MAU2: variants seen among roughly 807,000 people sequenced by gnomAD.
MAU2 encodes MAU2 chromatid cohesion factor homolog.
A neutral mutation model predicts 89.1 loss-of-function variants in MAU2; 9 were observed. The ratio of observed to expected loss-of-function variants is 0.10; its 90% CI spans 0.06 to 0.18. MAU2 has a LOEUF of 0.18. Ranked by LOEUF, MAU2 falls within the 10% of genes least tolerant of loss-of-function variation. The probability of loss-of-function intolerance (pLI) is 1.00; values close to 1 mark genes in which losing one functional copy is unlikely to be tolerated. For missense variants in MAU2, 425 were observed against 803.5 expected, an observed-to-expected ratio of 0.53 and a Z score of 5.69; for synonymous variants, 357 against 343.4, an observed-to-expected ratio of 1.04 and a Z score of -0.44.
chr19:19,326,819 G>A (rs1334356167), intron 1 of MAU2, among the ~76,000 whole-genome samples: 1 of 148,718 alleles, frequency 6.7e-6, no homozygotes, highest in Non-Finnish European at 1.5e-5. Context: ...CTTGAGCCAG[G>A]AAGTTGAGGC....
chr19:19,326,502 A>C (rs1032538722), intron 1 of MAU2, among the ~76,000 whole-genome samples: 8 of 151,246 alleles, frequency 5.3e-5, no homozygotes, highest in Admixed American at 2.6e-4. Flanking sequence ...CTGGCTAACA[A>C]GGTGAAACCC....
In MAU2 at chr19:19,320,999, G is replaced by C; in HGVS notation, c.140G>C (p.Cys47Ser). Residue 47 changes from cysteine to serine, a missense_variant, in exon 1 of 19, where the codon TGC becomes TCC. This residue lies in a region of MAU2 where 57 missense variants were observed against 57.5 expected (regional missense o/e 0.99). Transcript: ENST00000262815. ...RTSSPPKIRL[C>S]VHCLQAVFPF... Reference sequence around the variant, plus strand: ...TCCAGCCCGCCCAAAATCCGCCTGTGCGTGCACTGCCTGCAGGCCGTGTTC... The same window carrying C: ...TCCAGCCCGCCCAAAATCCGCCTGTCCGTGCACTGCCTGCAGGCCGTGTTC... 6.2e-7 allele frequency: 1 copy of C among 1,610,836 alleles called. No individual in the cohort carries two copies. The highest frequency in any genetic ancestry group is 8.5e-7 in the Non-Finnish European group (1 of 1,178,652).
rs2048204356 is a variant in MAU2, at chr19:19,358,553, T to C, written c.*2771T>C. 6.6e-6 allele frequency: 1 copy of C among 152,262 alleles called. No homozygotes were observed. Among genetic ancestry groups the C allele is most frequent in the Non-Finnish European group, 1.5e-5 (1 of 68,052 alleles). The allele number at this position is 152,262 out of a possible 1,614,324, so 9.4% of individuals were successfully genotyped here. ...TTTGTTAAGGTTTTTAATAAGTACGTTTGGCATAATGTCTTTTAATGGGTT... is the reference window on the plus strand; with the variant it reads ...TTTGTTAAGGTTTTTAATAAGTACGCTTGGCATAATGTCTTTTAATGGGTT... On this transcript the variant is annotated 3_prime_UTR_variant, in exon 19 of 19. Coordinates refer to ENST00000262815, the MANE Select transcript of MAU2 (RefSeq NM_015329.4).
At chr19:19,326,706 A>ATATATATATACACATATATATATGTT (rs1555792839) in intron 1 of MAU2, among the ~76,000 whole-genome samples, 1 of 86,986 alleles carries the variant, frequency 1.1e-5, no homozygotes, top group African/African-American at 3.5e-5. Flanking sequence ...ATATATGTAT[A>ATATATATATACACATATATATATGTT]TATATATATA....
intron 5 of MAU2, 125 bp from the exon 6 acceptor site, chr19:19,340,721 C>A: frequency 1.3e-6 from 1 of 772,330 alleles, no homozygotes; most frequent in Non-Finnish European, 2.1e-6. Flanking sequence ...GGGGACTGTT[C>A]TCTGTTGTCC....
rs1277822133 is a variant in MAU2, at chr19:19,320,939, T to C, written c.80T>C (p.Leu27Pro). 1.9e-6 allele frequency: 3 copies of C among 1,577,330 alleles called. No individual in the cohort carries two copies. The African/African-American group carries it at 4.1e-5, about 21-fold the overall frequency. The change falls in exon 1 of 19, where the codon CTG (leucine) becomes CCG (proline). Residue 27 changes from leucine (L) to proline (P), a missense_variant. Leu to Pro is a moderately conservative substitution (Grantham distance 98). Around this residue, in one of 11 missense-constraint regions of MAU2, gnomAD observed 61 missense variants for 40.1 expected, o/e 1.52. Coordinates refer to ENST00000262815, the MANE Select transcript of MAU2 (RefSeq NM_015329.4). Reference sequence around the variant, plus strand: ...GCCGAGGCGGCCGACTCGTGGTACCTGGCGCTTCTGGGCTTCGCTGAGCAC... The same window carrying C: ...GCCGAGGCGGCCGACTCGTGGTACCCGGCGCTTCTGGGCTTCGCTGAGCAC... Reference protein sequence around the residue: ...AQAEAADSWYLALLGFAEHFR... With the variant: ...AQAEAADSWYPALLGFAEHFR...
At chr19:19,333,506 G>T (rs898591727) in intron 1 of MAU2, among the ~76,000 whole-genome samples, 1 of 152,190 alleles carries the variant, frequency 6.6e-6, no homozygotes, top group Non-Finnish European at 1.5e-5. Context: ...AAAAGCTGTT[G>T]CTATGAGGAG....
Position 19,320,900 on chromosome 19 carries a change from C to T in MAU2, c.41C>T (p.Ala14Val), listed in dbSNP as rs1381016964. The T allele has an allele frequency of 1.9e-6, 3 of 1,543,218 alleles. No individual in the cohort carries two copies. The highest frequency in any genetic ancestry group is 2.6e-6 in the Non-Finnish European group (3 of 1,146,798). ...GCGGCAGCGGCCCAGGCGGCGGCGG[C>T]CCAGGCTGCGCAGGCCGAGGCGGCC... Reference protein sequence around the residue: ...QAAAAAQAAAAQAAQAEAADS... With the variant: ...QAAAAAQAAAVQAAQAEAADS... Residue 14 changes from alanine (A) to valine (V), a missense_variant, in exon 1 of 19, where the codon GCC (alanine) becomes GTC (valine). Around this residue, in one of 11 missense-constraint regions of MAU2, gnomAD observed 61 missense variants for 40.1 expected, o/e 1.52. Coordinates refer to ENST00000262815, the MANE Select transcript of MAU2 (RefSeq NM_015329.4).
chr19:19,341,285 C>T lies in MAU2; in HGVS notation c.613C>T (p.His205Tyr), dbSNP rs2061644210. Residue 205 changes from histidine (H) to tyrosine (Y), a missense_variant, in exon 7 of 19, where the codon CAC becomes TAC. Transcript: ENST00000262815. ...LLMERKLQEV[H>Y]PLLTLCGQIV... ...GATGGAGCGAAAGCTGCAGGAGGTG[C>T]ACCCGCTGCTGACCCTCTGCGGGCA... 1 of 1,612,374 alleles carries T rather than the reference C, an allele frequency of 6.2e-7. No individual in the cohort carries two copies. Among genetic ancestry groups the T allele is most frequent in the African/African-American group, 1.3e-5 (1 of 74,900 alleles).
intron 2 of MAU2, 86 bp downstream of exon 2, chr19:19,335,821 C>T (rs774372614): frequency 8.1e-6 from 12 of 1,477,178 alleles, no homozygotes; most frequent in African/African-American, 1.4e-5. Flanking sequence ...TCCCACCTCC[C>T]GACATGCCCT....
At chr19:19,334,671 C>T in intron 1 of MAU2, 3 of 905,426 alleles carry the variant, frequency 3.3e-6, no homozygotes, top group Non-Finnish European at 4.0e-6. Context: ...TGACCCTCAG[C>T]TAGGAGTGGC....
At chr19:19,349,815 A>G (rs987965972) in intron 16 of MAU2, among the ~76,000 whole-genome samples, 5 of 151,972 alleles carry the variant, frequency 3.3e-5, no homozygotes, top group Admixed American at 2.0e-4. Context: ...CGGACTTCCA[A>G]ACATATCATC....
intron 1 of MAU2, among the ~76,000 whole-genome samples, chr19:19,332,379 G>A (rs997983082): frequency 5.3e-5 from 7 of 131,680 alleles, no homozygotes; most frequent in African/African-American, 1.7e-4. Context: ...TCGCTGTGTT[G>A]CCCAGGCCGG....
intron 1 of MAU2, among the ~76,000 whole-genome samples, chr19:19,328,240 T>G (rs1568650192): frequency 6.6e-6 from 1 of 152,042 alleles, no homozygotes; most frequent in Non-Finnish European, 1.5e-5. Flanking sequence ...TGCTTTCCTC[T>G]TGTTCTCTCT....
In MAU2 at chr19:19,345,734, CATGGGG is replaced by C. The variant is rs2061688041; in HGVS notation, c.1221+367_1221+372del. Among the ~76,000 whole-genome samples the C allele has an allele frequency of 1.3e-5, 2 of 152,174 alleles. No homozygotes were observed. The highest frequency in any genetic ancestry group is 2.9e-5 in the Non-Finnish European group (2 of 68,016). On this transcript the variant is annotated intron_variant, in intron 12 of 18. Transcript: ENST00000262815. This position sits in a 1 kb window ranked among gnomAD's most constrained non-coding sequence, Gnocchi z 4.9. The stretch of plus-strand genomic sequence containing the variant: ...AGAGCCATCCTGGGTTCAGGGCTCC[CATGGGG>C]AGTGGTGGAGCTGGGCCATCTCCCA...
At chr19:19,351,584 G>A (rs1007205583) in intron 16 of MAU2, among the ~76,000 whole-genome samples, 1 of 151,938 alleles carries the variant, frequency 6.6e-6, no homozygotes, top group Admixed American at 6.6e-5. Context: ...GGAGGCTGAG[G>A]TGGGAGGATC....
In MAU2 at chr19:19,336,926, C is replaced by G. The variant is rs563256642; in HGVS notation, c.361-244C>G. Among the ~76,000 whole-genome samples the G allele has an allele frequency of 2.8e-4, 43 of 152,360 alleles. No individual in the cohort carries two copies. In the South Asian group the frequency reaches 8.9e-3, roughly 32 times the overall value. On this transcript the variant is annotated intron_variant, in intron 3 of 18. Transcript: ENST00000262815. ...GAGTGTTTAGAATTTTGAACTGAAA[C>G]TACTTTCAGTCCAGTTGAATGAGAA...
Position 19,338,832 on chromosome 19 carries a change from C to G in MAU2, c.457-13C>G. On this transcript the variant is annotated splice_polypyrimidine_tract_variant and intron_variant, in intron 4 of 18. Transcript: ENST00000262815. ...GTTTGGCAGCAAAGGTCACTGCTCT[C>G]TTTCCTTTTTAGCAACTGCACACGC... is the stretch of plus-strand genomic sequence containing the variant. 6.2e-7 allele frequency: 1 copy of G among 1,606,350 alleles called. No homozygotes were observed. The highest frequency in any genetic ancestry group is 8.5e-7 in the Non-Finnish European group (1 of 1,175,124).
intron 9 of MAU2, among the ~76,000 whole-genome samples, chr19:19,343,481 C>A (rs1178926455): frequency 1.3e-5 from 2 of 151,476 alleles, no homozygotes; most frequent in Non-Finnish European, 3.0e-5. Flanking sequence ...GGTCCCCCTA[C>A]CCGACTGCCT....
Sources: allele counts gnomAD v4.1 joint callset (sites outside exome capture counted in the v4.1 genomes callset), GRCh38; gene constraint gnomAD v4.1.1; regional missense constraint gnomAD v4.1.1; non-coding constraint Gnocchi (gnomAD v3.1); transcripts MANE v1.5; gene names NCBI Gene and HGNC (gene_info 2026-07-23, HGNC 2026-07-21).